The following RYR3 variants were observed in gnomAD, a reference collection of about 807,000 sequenced individuals.
The protein encoded by RYR3 is brain ryanodine receptor-calcium release channel.
RYR3 carries 207 observed loss-of-function variants against 584.3 expected under a neutral mutation model. The ratio of observed to expected loss-of-function variants is 0.35; its 90% CI spans 0.32 to 0.40. The LOEUF is 0.40. Ranked by LOEUF, RYR3 falls within the 10% of genes least tolerant of loss-of-function variation. RYR3 has a pLI of 1.00. For synonymous variants in RYR3, 2,416 were observed against 2,248.5 expected (o/e 1.07, Z -2.11); for missense variants, 5,616 against 6,089.2 (o/e 0.92, Z 2.59).
intron 1 of RYR3, among the ~76,000 whole-genome samples, chr15:33,350,797 A>G (rs1973139564): frequency 6.6e-6 from 1 of 151,690 alleles, no homozygotes; most frequent in Non-Finnish European, 1.5e-5. Flanking sequence ...AAATGCCCAC[A>G]AGAGAAAGCA....
At chr15:33,854,992 T>G (rs2153001543) in intron 98 of RYR3, 80 bp downstream of exon 98, 1 of 1,342,400 alleles carries the variant, frequency 7.4e-7, no homozygotes, top group Non-Finnish European at 9.9e-7. Flanking sequence ...ATACAGTATA[T>G]GACAGGAAGG....
chr15:33,374,806 C>G (rs1043460696), intron 1 of RYR3, among the ~76,000 whole-genome samples: 8 of 152,156 alleles, frequency 5.3e-5, no homozygotes, highest in Non-Finnish European at 1.2e-4. Flanking sequence ...TTCTGGAGCC[C>G]TCCAGGACAC....
At chr15:33,599,073 T>C (rs2059536558) in intron 16 of RYR3, among the ~76,000 whole-genome samples, 2 of 151,546 alleles carry the variant, frequency 1.3e-5, no homozygotes, top group African/African-American at 4.9e-5. Flanking sequence ...AAAGGAGTTG[T>C]ACAGCAAAAC....
chr15:33,466,905 A>G (rs987846754), intron 1 of RYR3, among the ~76,000 whole-genome samples: 1 of 152,234 alleles, frequency 6.6e-6, no homozygotes, highest in Non-Finnish European at 1.5e-5. Context: ...TAAAGATCTT[A>G]GAATTGAAGG....
chr15:33,409,748 C>CT (rs1567182610), intron 1 of RYR3, among the ~76,000 whole-genome samples: 1 of 152,178 alleles, frequency 6.6e-6, no homozygotes, highest in Non-Finnish European at 1.5e-5. Flanking sequence ...TTGCCCACTT[C>CT]TGGAGTTCTA....
intron 48 of RYR3, 150 bp downstream of exon 48, chr15:33,731,844 C>T: frequency 1.6e-6 from 1 of 645,068 alleles, no homozygotes; most frequent in Non-Finnish European, 2.8e-6. Flanking sequence ...ATAGGATGTG[C>T]TCGGCTCCCC....
intron 102 of RYR3, among the ~76,000 whole-genome samples, chr15:33,862,656 GC>G (rs1888761948): frequency 6.6e-6 from 1 of 152,082 alleles, no homozygotes; most frequent in Non-Finnish European, 1.5e-5. Context: ...TGTCACCCAG[GC>G]TGAAGTGCAG....
At chr15:33,380,519 G>A (rs984376217) in intron 1 of RYR3, among the ~76,000 whole-genome samples, 4 of 152,226 alleles carry the variant, frequency 2.6e-5, no homozygotes, top group Admixed American at 2.6e-4. Context: ...TTAGCTACTA[G>A]GGTGATAAGC....
chr15:33,613,284 C>G lies in RYR3; in HGVS notation c.2266C>G (p.Arg756Gly). The G allele has an allele frequency of 6.2e-7, 1 of 1,613,942 alleles. No individual in the cohort carries two copies. The highest frequency in any genetic ancestry group is 8.5e-7 in the Non-Finnish European group (1 of 1,179,866). Residue 756 changes from arginine to glycine, a missense_variant, in exon 19 of 104, where the codon CGC (arginine) becomes GGC (glycine). Transcript: ENST00000634891. ...CCTCGGGGTGCCCAGCATCTCATTC[C>G]GCATCAATGGGCAGCCCGTGCAGGG... ...LDLGVPSISF[R>G]INGQPVQGMF...
intron 12 of RYR3, among the ~76,000 whole-genome samples, chr15:33,569,537 T>C (rs1360796961): frequency 6.6e-6 from 1 of 152,192 alleles, no homozygotes; most frequent in Admixed American, 6.5e-5. Flanking sequence ...TAGCAAAATA[T>C]CTTCAAGGTT....
At chr15:33,814,771 T>G (rs2076719798) in intron 74 of RYR3, among the ~76,000 whole-genome samples, 1 of 151,786 alleles carries the variant, frequency 6.6e-6, no homozygotes, top group African/African-American at 2.4e-5. Context: ...CATGGTGACA[T>G]GCACCTGTAA....
chr15:33,598,538 T>C (rs2059501151), intron 16 of RYR3, among the ~76,000 whole-genome samples: 1 of 137,668 alleles, frequency 7.3e-6, no homozygotes. Context: ...CTTTAGTCGT[T>C]TAAAAGGAAT....
At chr15:33,715,497 A>G (rs2067428321) in intron 43 of RYR3, among the ~76,000 whole-genome samples, 1 of 152,226 alleles carries the variant, frequency 6.6e-6, no homozygotes, top group African/African-American at 2.4e-5. Flanking sequence ...TACATTTGAG[A>G]TATGGCTAGT....
intron 11 of RYR3, 67 bp downstream of exon 11, chr15:33,563,077 G>A: frequency 1.6e-6 from 2 of 1,276,490 alleles, no homozygotes; most frequent in Non-Finnish European, 1.1e-6. Context: ...CAATAGAAGT[G>A]ATTCTGAGAA....
Position 33,812,704 on chromosome 15 carries a change from A to G in RYR3, c.10258-159A>G, listed in dbSNP as rs191394157. Among the ~76,000 whole-genome samples the G allele has an allele frequency of 2.0e-5, 3 of 152,322 alleles. No individual in the cohort carries two copies. In the East Asian group the frequency reaches 5.8e-4, roughly 29 times the overall value. On this transcript the variant is annotated intron_variant, in intron 72 of 103. Transcript: ENST00000634891. Reference sequence around the variant, plus strand: ...GAGTTAGAATGAGAAGTTCCTATACAGTATCTACAGTGTTCCAGAAGATAA... The same window carrying G: ...GAGTTAGAATGAGAAGTTCCTATACGGTATCTACAGTGTTCCAGAAGATAA...
At chr15:33,634,838 A>G (rs1258325081) in intron 25 of RYR3, 105 bp downstream of exon 25, 3 of 950,636 alleles carry the variant, frequency 3.2e-6, no homozygotes, top group South Asian at 3.0e-5. Flanking sequence ...TGGAAATAGT[A>G]TTGGGGCTGA....
intron 27 of RYR3, among the ~76,000 whole-genome samples, chr15:33,638,824 A>G (rs1026146334): frequency 2.6e-5 from 4 of 152,008 alleles, no homozygotes; most frequent in African/African-American, 7.3e-5. Flanking sequence ...ATTGCATGTT[A>G]ACTACAGAAT....
At chr15:33,734,412 C>T (rs8031176) in intron 48 of RYR3, among the ~76,000 whole-genome samples, 75,926 of 151,868 alleles carry the variant, frequency 0.5, 19,715 homozygotes, top group Admixed American at 0.57. Flanking sequence ...ATTTTCTTAA[C>T]GGTAGAAAAT....
At chr15:33,696,607 A>G (rs765255092) in intron 39 of RYR3, 116 bp downstream of exon 39, 104 of 1,133,172 alleles carry the variant, frequency 9.2e-5, no homozygotes, top group Non-Finnish European at 9.1e-5. Context: ...GTGTGAACTG[A>G]TTCCAATTTC....
Sources: allele counts gnomAD v4.1 joint callset (sites outside exome capture counted in the v4.1 genomes callset), GRCh38; gene constraint gnomAD v4.1.1; transcripts MANE v1.5; gene names NCBI Gene and HGNC (gene_info 2026-07-23, HGNC 2026-07-21).